The following DIS3L2 variants were observed in gnomAD, a reference collection of about 807,000 sequenced individuals.
DIS3L2 encodes DIS3-like exonuclease 2.
DIS3L2 carries 34 observed loss-of-function variants against 97.5 expected under a neutral mutation model. That is an observed-to-expected ratio of 0.35 (90% CI 0.27 to 0.46). The LOEUF (loss-of-function observed/expected upper bound fraction) is 0.46, where lower values mean the gene tolerates loss of function less well. DIS3L2 is among the 20% of genes least tolerant of loss of function. DIS3L2 has a pLI of 1.00. For synonymous variants in DIS3L2, 435 were observed against 445.2 expected (o/e 0.98, Z 0.29); for missense variants, 1,038 against 1,146.0 (o/e 0.91, Z 1.36).
chr2:232,207,754 T>A (rs909922757), intron 9 of DIS3L2, among the ~76,000 whole-genome samples: 135 of 152,282 alleles, frequency 8.9e-4, no homozygotes, highest in African/African-American at 2.7e-3. Flanking sequence ...ATCCATAATC[T>A]TAAAGCCATT....
intron 1 of DIS3L2, 29 bp from the exon 2 acceptor site, chr2:232,014,806 T>A: frequency 7.5e-6 from 8 of 1,068,726 alleles, no homozygotes; most frequent in Non-Finnish European, 1.1e-5. Flanking sequence ...TTAACCGCTC[T>A]CCAATTACCA....
rs1014642430 is a variant in DIS3L2, at chr2:232,164,520, T to G, written c.1124+888T>G. On this transcript the variant is annotated intron_variant, in intron 9 of 20. Transcript: ENST00000325385. ...TCAAAGTCTTTTCCACCACACTTGC[T>G]CGCTTCATGCAGCTGAACTTATGAC... Among the ~76,000 whole-genome samples, 3 of 152,202 alleles carry G rather than the reference T, an allele frequency of 2.0e-5. No individual in the cohort carries two copies. In the South Asian group the frequency reaches 6.2e-4, roughly 32 times the overall value.
intron 5 of DIS3L2, among the ~76,000 whole-genome samples, chr2:232,030,937 G>C (rs1454890020): frequency 6.6e-6 from 1 of 151,832 alleles, no homozygotes; most frequent in Non-Finnish European, 1.5e-5. Flanking sequence ...GAAGAATTTG[G>C]TGTCTTCTTC....
chr2:232,218,546 A>G (rs1356290229), intron 10 of DIS3L2, among the ~76,000 whole-genome samples: 2 of 152,130 alleles, frequency 1.3e-5, no homozygotes, highest in East Asian at 1.9e-4. Flanking sequence ...CCAGGAGTTC[A>G]AGACCAAACT....
At chr2:232,170,357 C>T (rs1474925647) in intron 9 of DIS3L2, among the ~76,000 whole-genome samples, 1 of 152,172 alleles carries the variant, frequency 6.6e-6, no homozygotes, top group Non-Finnish European at 1.5e-5. Context: ...AAATACCACA[C>T]TAAACCGATC....
chr2:232,193,263 A>G (rs965613992), intron 9 of DIS3L2, among the ~76,000 whole-genome samples: 2 of 152,222 alleles, frequency 1.3e-5, no homozygotes, highest in African/African-American at 4.8e-5. Context: ...GGGAGTTTTA[A>G]ATGCTGCTAT....
chr2:232,016,229 A>G (rs1458830789), intron 3 of DIS3L2, among the ~76,000 whole-genome samples: 1 of 152,240 alleles, frequency 6.6e-6, no homozygotes, highest in African/African-American at 2.4e-5. Flanking sequence ...TTTACAAGCT[A>G]GTTCAGTGGT....
rs549994066 is a variant in DIS3L2 at position 231,961,717 on chromosome 2, T to A, written c.-142T>A. On this transcript the variant is annotated 5_prime_UTR_variant, in exon 1 of 21. Coordinates refer to ENST00000325385, the MANE Select transcript of DIS3L2 (RefSeq NM_152383.5). ...GCGCCCGTGACCCGGAAGAGCATTC[T>A]CCTTAGCAACTGCGGGACTGCGGCG... 6.9e-4 allele frequency: 106 copies of A among 153,218 alleles called. No homozygotes were observed. The Middle Eastern group carries it at 0.013, about 19-fold the overall frequency. 9.5% of individuals were successfully genotyped at this position (153,218 alleles called of 1,614,324 possible). A position where few individuals can be genotyped will look rare whatever the true frequency, so the allele number is the denominator to read the frequency against.
At chr2:231,971,375 T>C (rs1224353538) in intron 1 of DIS3L2, among the ~76,000 whole-genome samples, 1 of 151,638 alleles carries the variant, frequency 6.6e-6, no homozygotes, top group Admixed American at 6.6e-5. Flanking sequence ...GCCTCCCGGG[T>C]TCAAGTGATT....
chr2:232,162,148 CA>C (rs1432475937), intron 8 of DIS3L2, among the ~76,000 whole-genome samples: 1 of 152,144 alleles, frequency 6.6e-6, no homozygotes, highest in Non-Finnish European at 1.5e-5. Context: ...GGGGATTTTC[CA>C]GATTGCTTTC....
At chr2:231,967,821 TAATA>T (rs1331837111) in intron 1 of DIS3L2, among the ~76,000 whole-genome samples, 2 of 152,194 alleles carry the variant, frequency 1.3e-5, no homozygotes, top group African/African-American at 4.8e-5. Context: ...AAACAATTTT[TAATA>T]AATGAATTAG....
At chr2:232,133,365 A>G (rs534989155) in intron 7 of DIS3L2, among the ~76,000 whole-genome samples, 4 of 152,314 alleles carry the variant, frequency 2.6e-5, no homozygotes, top group African/African-American at 9.6e-5. Context: ...TGTCATTGAA[A>G]CTACAGCCCA....
At chr2:232,082,785 G>T (rs1461101733) in intron 5 of DIS3L2, among the ~76,000 whole-genome samples, 20 of 152,180 alleles carry the variant, frequency 1.3e-4, no homozygotes, top group Admixed American at 1.3e-3. Context: ...AGTTAAGCTT[G>T]CTGTACTCTG....
intron 12 of DIS3L2, among the ~76,000 whole-genome samples, chr2:232,258,186 A>G (rs148422219): frequency 6.6e-6 from 1 of 152,284 alleles, no homozygotes; most frequent in African/African-American, 2.4e-5. Flanking sequence ...GCCTTCAGTC[A>G]GTGTTGGCAC....
intron 3 of DIS3L2, 138 bp downstream of exon 3, chr2:232,015,809 C>G (rs907654441): frequency 1.5e-5 from 14 of 904,980 alleles, no homozygotes; most frequent in Admixed American, 2.6e-5. Flanking sequence ...GATGGCATAA[C>G]AGAGATGATG....
At chr2:232,249,457 G>A (rs1252806900) in intron 12 of DIS3L2, 111 bp downstream of exon 12, 2 of 1,118,370 alleles carry the variant, frequency 1.8e-6, no homozygotes, top group African/African-American at 3.1e-5. Context: ...GTAAGACAAG[G>A]GAGGTATGGA....
Position 232,238,624 on chromosome 2 carries a change from A to G in DIS3L2, c.1296A>G (p.Thr432=), listed in dbSNP as rs903064196. 8.7e-6 allele frequency: 14 copies of G among 1,614,092 alleles called. No individual in the cohort carries two copies. Among genetic ancestry groups the G allele is most frequent in the Non-Finnish European group, 1.2e-5 (14 of 1,179,994 alleles). ...ATAAAGTGGCTGCCGAGAGGGCTAC[A>G]AGCGTCTACTTGGTTCAAAAGGTAA... is the stretch of plus-strand genomic sequence containing the variant. ...DLDKVAAERA[T]SVYLVQKVVP... is the part of the protein sequence containing the mutation. The change falls in exon 11 of 21, where the codon ACA becomes ACG. Residue 432 remains threonine, a synonymous_variant. Transcript: ENST00000325385.
At chr2:232,129,489 A>G (rs1198907579) in intron 6 of DIS3L2, among the ~76,000 whole-genome samples, 3 of 152,266 alleles carry the variant, frequency 2.0e-5, no homozygotes, top group Non-Finnish European at 4.4e-5. Flanking sequence ...AGAGAGGGCA[A>G]TCTACGATAG....
At chr2:231,968,546 C>T (rs956950239) in intron 1 of DIS3L2, among the ~76,000 whole-genome samples, 2 of 152,188 alleles carry the variant, frequency 1.3e-5, no homozygotes, top group Non-Finnish European at 2.9e-5. Context: ...GTAGCTGATT[C>T]CTCTTTATTG....
Sources: gnomAD v4.1 joint callset for allele counts (sites outside exome capture counted in the v4.1 genomes callset) on GRCh38, gnomAD v4.1.1 for gene constraint, MANE v1.5 for transcripts, NCBI Gene and HGNC (gene_info 2026-07-23, HGNC 2026-07-21) for gene names.